Variants in PDZD2 observed in about 807,000 individuals in gnomAD.
The protein encoded by PDZD2 is PDZ domain-containing protein 2.
A neutral mutation model predicts 220.7 loss-of-function variants in PDZD2; 90 were observed. That is an observed-to-expected ratio of 0.41 (90% CI 0.34 to 0.49). The LOEUF (loss-of-function observed/expected upper bound fraction) is 0.49. PDZD2 is among the 20% of genes least tolerant of loss of function. The pLI, the probability that PDZD2 is intolerant of heterozygous loss-of-function variation, is 0.28. For missense variants in PDZD2, 3,174 were observed against 3,608.5 expected, an observed-to-expected ratio of 0.88 and a Z score of 3.08; for synonymous variants, 1,375 against 1,450.5, an observed-to-expected ratio of 0.95 and a Z score of 1.18.
intron 2 of PDZD2, among the ~76,000 whole-genome samples, chr5:31,956,935 G>A (rs918869937): frequency 2.0e-5 from 3 of 152,060 alleles, no homozygotes; most frequent in Non-Finnish European, 4.4e-5. Context: ...CTGTCACCCA[G>A]GCTAAAGTGC....
chr5:31,952,384 T>C (rs1007200343), intron 2 of PDZD2, among the ~76,000 whole-genome samples: 2 of 152,182 alleles, frequency 1.3e-5, no homozygotes, highest in Non-Finnish European at 2.9e-5. Flanking sequence ...TAGAAGAAAA[T>C]CTTGGATTTC....
At chr5:31,743,140 A>G (rs1261135273) in intron 1 of PDZD2, among the ~76,000 whole-genome samples, 1 of 151,326 alleles carries the variant, frequency 6.6e-6, no homozygotes, top group Non-Finnish European at 1.5e-5. Context: ...AGTGTTGAGT[A>G]TGTCATGTAT....
At chr5:31,747,538 C>G (rs1750673101) in intron 1 of PDZD2, 3 of 152,198 alleles carry the variant, frequency 2.0e-5, no homozygotes, top group Non-Finnish European at 4.4e-5. Context: ...CCATCAGTCT[C>G]AACTCGCCAA....
chr5:32,077,816 G>GCC (rs1432965354), intron 19 of PDZD2: 1 of 459,314 alleles, frequency 2.2e-6, no homozygotes, highest in Non-Finnish European at 4.1e-6. Context: ...AATTAGCCGG[G>GCC]CGTGGTGGTG....
At chr5:32,072,403 G>A (rs32795) in intron 17 of PDZD2, 86 bp downstream of exon 17, 127,325 of 1,082,694 alleles carry the variant, frequency 0.12, 9,609 homozygotes, top group South Asian at 0.31. Context: ...GGCTACAATG[G>A]TTTAGCTACC....
intron 3 of PDZD2, among the ~76,000 whole-genome samples, chr5:31,989,013 G>A (rs1028262501): frequency 2.6e-5 from 4 of 152,234 alleles, no homozygotes; most frequent in East Asian, 1.9e-4. Flanking sequence ...TTGGCTCATC[G>A]TGTCCCCAGT....
In PDZD2 at chr5:31,682,815, C is replaced by T. The variant is rs117408226; in HGVS notation, c.-361+43378C>T. On this transcript the variant is annotated intron_variant, in intron 1 of 24. Transcript: ENST00000438447. ...AGACCAAGACGCTCCATTTCCACCA[C>T]AAGCTACCTTGTACCTTTTGTATCC... 1.4e-4 allele frequency among the ~76,000 whole-genome samples: 21 copies of T among 152,156 alleles called. No homozygotes were observed. In the East Asian group the frequency reaches 4.1e-3, roughly 30 times the overall value.
intron 23 of PDZD2, chr5:32,100,759 G>A: frequency 1.7e-6 from 1 of 573,874 alleles, no homozygotes; most frequent in South Asian, 1.6e-5. Flanking sequence ...TGTGACTTCA[G>A]TCCTCACTGA....
intron 1 of PDZD2, among the ~76,000 whole-genome samples, chr5:31,668,018 CG>C (rs1369190090): frequency 6.6e-6 from 1 of 151,966 alleles, no homozygotes; most frequent in Non-Finnish European, 1.5e-5. Flanking sequence ...CCCACCACTA[CG>C]CCCGGCTACT....
At chr5:31,867,599 C>T (rs1738348114) in intron 2 of PDZD2, among the ~76,000 whole-genome samples, 1 of 152,084 alleles carries the variant, frequency 6.6e-6, no homozygotes. Flanking sequence ...ATCAGGTGTT[C>T]CCTACAAAAT....
chr5:31,803,293 G>A (rs993146119), intron 2 of PDZD2, among the ~76,000 whole-genome samples: 5 of 132,238 alleles, frequency 3.8e-5, no homozygotes, highest in African/African-American at 1.2e-4. Flanking sequence ...TGTAGAGATG[G>A]TATCTTACTA....
In PDZD2 at chr5:31,879,457, A is replaced by T. The variant is rs190500781; in HGVS notation, c.476+79733A>T. On this transcript the variant is annotated intron_variant, in intron 2 of 24. Coordinates refer to ENST00000438447, the MANE Select transcript of PDZD2 (RefSeq NM_178140.4). ...ACCCCAGCAAGTTGTCACACACACT[A>T]TTTTTTTTTAGAGAATAAAGGCTAA... 5.0e-3 allele frequency among the ~76,000 whole-genome samples: 746 copies of T among 150,196 alleles called. 6 individuals are homozygous for T. Among genetic ancestry groups the T allele is most frequent in the African/African-American group, 0.018 (731 of 41,034 alleles).
Position 32,006,907 on chromosome 5 carries a change from C to CTTT in PDZD2, c.1255-3399_1255-3397dup, listed in dbSNP as rs1173189592. The stretch of plus-strand genomic sequence containing the variant: ...ATTTCACTATGTTAGCCATGCTGGT[C>CTTT]TTTTTTTTTTTTTTTTTTTTTTTTT... On this transcript the variant is annotated intron_variant, in intron 5 of 24. Transcript: ENST00000438447. Among the ~76,000 whole-genome samples, 162 of 47,856 alleles carry CTTT rather than the reference C, an allele frequency of 3.4e-3. 42 individuals are homozygous for CTTT. Among genetic ancestry groups the CTTT allele is most frequent in the South Asian group, 7.3e-3 (6 of 826 alleles). 31.4% of individuals were successfully genotyped at this position (47,856 alleles called of 152,430 possible).
chr5:31,649,810 C>T (rs374722299), intron 1 of PDZD2, among the ~76,000 whole-genome samples: 12 of 151,632 alleles, frequency 7.9e-5, no homozygotes, highest in Non-Finnish European at 1.5e-4. Flanking sequence ...TGGTGGCGCG[C>T]GCCTATAGTC....
At chr5:31,732,478 G>C (rs998320606) in intron 1 of PDZD2, among the ~76,000 whole-genome samples, 1 of 152,206 alleles carries the variant, frequency 6.6e-6, no homozygotes, top group African/African-American at 2.4e-5. Context: ...CCACCTCTAA[G>C]AGGATGGAGC....
intron 2 of PDZD2, among the ~76,000 whole-genome samples, chr5:31,862,312 C>T (rs1051365880): frequency 1.3e-5 from 2 of 151,804 alleles, no homozygotes; most frequent in African/African-American, 4.8e-5. Flanking sequence ...CCATGTTGGC[C>T]AGGCTGGTCT....
chr5:31,939,645 C>T (rs1024619546), intron 2 of PDZD2, among the ~76,000 whole-genome samples: 4 of 152,144 alleles, frequency 2.6e-5, no homozygotes, highest in Non-Finnish European at 5.9e-5. Flanking sequence ...AAGCTGGCTC[C>T]TAAAGAGACA....
chr5:32,063,028 T>TATTATTATG (rs67386534), intron 14 of PDZD2, among the ~76,000 whole-genome samples: 9 of 21,800 alleles, frequency 4.1e-4, no homozygotes, highest in African/African-American at 1.6e-3. Flanking sequence ...GAGAATGAAA[T>TATTATTATG]ATTATTATTA....
At chr5:31,901,431 G>A (rs538010568) in intron 2 of PDZD2, among the ~76,000 whole-genome samples, 4,410 of 134,702 alleles carry the variant, frequency 0.033, 235 homozygotes, top group African/African-American at 0.11. Context: ...AAAAAAAAAA[G>A]AAGAAGAAAG....
Sources: allele counts gnomAD v4.1 joint callset (sites outside exome capture counted in the v4.1 genomes callset), GRCh38; gene constraint gnomAD v4.1.1; transcripts MANE v1.5; gene names NCBI Gene and HGNC (gene_info 2026-07-23, HGNC 2026-07-21).